The following PGM5 variants were observed in gnomAD, a reference collection of about 807,000 sequenced individuals.
The protein encoded by PGM5 is phosphoglucomutase 5.
PGM5 carries 23 observed loss-of-function variants against 59.2 expected under a neutral mutation model. That is an observed-to-expected ratio of 0.39 (90% CI 0.28 to 0.55). The LOEUF is 0.55. Among genes scored for constraint, PGM5 ranks in the 20% least tolerant of loss-of-function variants. The probability of loss-of-function intolerance (pLI) is 0.66; values close to 1 mark genes in which losing one functional copy is unlikely to be tolerated. For synonymous variants in PGM5, 214 were observed against 286.0 expected (o/e 0.75, Z 2.54); for missense variants, 574 against 748.3 (o/e 0.77, Z 2.72).
At chr9:68,520,758 A>G (rs1824890025) in intron 10 of PGM5, among the ~76,000 whole-genome samples, 1 of 152,236 alleles carries the variant, frequency 6.6e-6, no homozygotes, top group Non-Finnish European at 1.5e-5. Context: ...TTGCTAAAGA[A>G]AAAACCTGGA....
At chr9:68,360,036 G>A (rs1303186442) in intron 1 of PGM5, among the ~76,000 whole-genome samples, 1 of 151,916 alleles carries the variant, frequency 6.6e-6, no homozygotes, top group South Asian at 2.1e-4. Context: ...CTACTCATAG[G>A]GTTTCTCTGT....
chr9:68,364,347 C>T (rs1343590104), intron 1 of PGM5, among the ~76,000 whole-genome samples: 1 of 152,148 alleles, frequency 6.6e-6, no homozygotes, highest in Non-Finnish European at 1.5e-5. Context: ...ATCTGGGGAA[C>T]AAATTCTTGG....
chr9:68,378,173 T>C lies in PGM5; in HGVS notation c.262-26T>C, dbSNP rs782746705. The C allele has an allele frequency of 5.4e-6, 8 of 1,479,498 alleles. No individual in the cohort carries two copies. The Admixed American group carries it at 1.4e-4, about 26-fold the overall frequency. 91.6% of individuals were successfully genotyped at this position (1,479,498 alleles called of 1,614,324 possible). A position where few individuals can be genotyped will look rare whatever the true frequency, so the allele number is the denominator to read the frequency against. On this transcript the variant is annotated intron_variant, in intron 1 of 10. Transcript: ENST00000396396. The stretch of plus-strand genomic sequence containing the variant: ...ATGGCTTTAATCCCAAGGAACTGGA[T>C]TGATTTTTTTTTTTGGATGGTTTAG...
intron 6 of PGM5, among the ~76,000 whole-genome samples, chr9:68,457,290 T>C (rs1823793655): frequency 6.6e-6 from 1 of 152,204 alleles, no homozygotes; most frequent in African/African-American, 2.4e-5. Context: ...TCCCCCCTCA[T>C]AGAACATGGG....
At chr9:68,409,788 G>A (rs569875616) in intron 6 of PGM5, among the ~76,000 whole-genome samples, 1 of 142,338 alleles carries the variant, frequency 7.0e-6, no homozygotes, top group Admixed American at 6.9e-5. Flanking sequence ...TGACGAGTTA[G>A]TGGGTGCAGC....
intron 9 of PGM5, among the ~76,000 whole-genome samples, chr9:68,490,585 C>A (rs1260290809): frequency 6.6e-6 from 1 of 152,188 alleles, no homozygotes; most frequent in East Asian, 1.9e-4. Context: ...AAACTCCTGA[C>A]CTCAGGTGAT....
chr9:68,378,816 T>C (rs1341868867), intron 2 of PGM5, among the ~76,000 whole-genome samples: 1 of 152,048 alleles, frequency 6.6e-6, no homozygotes, highest in Admixed American at 6.6e-5. Context: ...CTCAAAATCA[T>C]AGAATTGTTT....
At chr9:68,396,832 A>T (rs1554680031) in intron 6 of PGM5, 1 of 152,192 alleles carries the variant, frequency 6.6e-6, no homozygotes, top group African/African-American at 2.4e-5. Flanking sequence ...AAATTATAGG[A>T]ATGTGCCCAT....
chr9:68,376,818 TTTCTTTCTTTCTTTCTC>T (rs1821913738), intron 1 of PGM5, among the ~76,000 whole-genome samples: 3 of 69,104 alleles, frequency 4.3e-5, no homozygotes, highest in Admixed American at 1.5e-4. Flanking sequence ...TCTTTCTTTC[TTTCTTTCTTTCTTTCTC>T]TTTCTTTCTT....
intron 9 of PGM5, among the ~76,000 whole-genome samples, chr9:68,495,642 C>A (rs1427936244): frequency 3.3e-5 from 5 of 152,104 alleles, no homozygotes; most frequent in African/African-American, 9.7e-5. Flanking sequence ...TTAATAAATT[C>A]ATTTATGTTA....
chr9:68,453,938 G>A (rs1823734656), intron 6 of PGM5, among the ~76,000 whole-genome samples: 2 of 152,190 alleles, frequency 1.3e-5, no homozygotes, highest in Non-Finnish European at 2.9e-5. Context: ...TAAGGAAGCG[G>A]CCTAAGTCCA....
intron 6 of PGM5, among the ~76,000 whole-genome samples, chr9:68,417,444 T>G (rs1476461674): frequency 1.3e-5 from 2 of 152,084 alleles, no homozygotes. Flanking sequence ...GAAATGCTTG[T>G]GTTGTATCTT....
In PGM5 at chr9:68,517,033, G is replaced by A. The variant is rs142891347; in HGVS notation, c.1615-12534G>A. On this transcript the variant is annotated intron_variant, in intron 10 of 10. Transcript: ENST00000396396. ...ACTACAGGCATGCACCACCACGCCC[G>A]GCTAATTTTTTGTCTTTTTTTTTTT... is the stretch of plus-strand genomic sequence containing the variant. Among the ~76,000 whole-genome samples the A allele has an allele frequency of 1.5e-3, 221 of 151,632 alleles. 4 individuals carry two copies. The East Asian group carries it at 0.039, about 27-fold the overall frequency.
intron 6 of PGM5, among the ~76,000 whole-genome samples, chr9:68,454,749 A>G (rs1288791242): frequency 1.3e-5 from 2 of 152,172 alleles, no homozygotes; most frequent in Non-Finnish European, 2.9e-5. Context: ...CCTCCGTGCT[A>G]AGACATTAAA....
Position 68,479,561 on chromosome 9 carries a change from G to A in PGM5, c.1295+8G>A, listed in dbSNP as rs1307839098. 6.2e-7 allele frequency: 1 copy of A among 1,613,398 alleles called. No individual in the cohort carries two copies. The highest frequency in any genetic ancestry group is 1.3e-5 in the African/African-American group (1 of 74,920). On this transcript the variant is annotated splice_region_variant and intron_variant, in intron 8 of 10. Coordinates refer to ENST00000396396, the MANE Select transcript of PGM5 (RefSeq NM_021965.4). ...CCGCCACTACTATTGCAGGTGAGGA[G>A]AAGGGGAAGGGTCTCTGTATGGACC...
chr9:68,436,280 C>T (rs1554683350), intron 6 of PGM5, among the ~76,000 whole-genome samples: 2 of 152,168 alleles, frequency 1.3e-5, no homozygotes, highest in African/African-American at 2.4e-5. Flanking sequence ...CCTATCATGT[C>T]TTGTTTTTAA....
intron 9 of PGM5, among the ~76,000 whole-genome samples, chr9:68,496,452 C>A (rs2132102843): frequency 6.6e-6 from 1 of 152,332 alleles, no homozygotes; most frequent in East Asian, 1.9e-4. Flanking sequence ...TGTTCCTCAC[C>A]TGGAATGGTC....
intron 10 of PGM5, among the ~76,000 whole-genome samples, chr9:68,510,294 C>T (rs529126048): frequency 7.3e-5 from 11 of 151,694 alleles, no homozygotes; most frequent in South Asian, 2.1e-4. Flanking sequence ...TGGGACTACA[C>T]GCACCCGCCA....
intron 7 of PGM5, among the ~76,000 whole-genome samples, chr9:68,479,056 A>C (rs1824148985): frequency 6.6e-6 from 1 of 152,196 alleles, no homozygotes; most frequent in Non-Finnish European, 1.5e-5. Flanking sequence ...AAACTTTATG[A>C]GTAAAGAACT....
Sources: gnomAD v4.1 joint callset for allele counts (sites outside exome capture counted in the v4.1 genomes callset) on GRCh38, gnomAD v4.1.1 for gene constraint, MANE v1.5 for transcripts, NCBI Gene and HGNC (gene_info 2026-07-23, HGNC 2026-07-21) for gene names.